The following SLMAP variants were observed in gnomAD, a reference collection of about 807,000 sequenced individuals.
The protein encoded by SLMAP is sarcolemmal membrane-associated protein.
In SLMAP, 44 loss-of-function variants were observed where a neutral mutation model predicts 128.8. The observed-to-expected ratio is 0.34, with a 90% CI of 0.27 to 0.44. The LOEUF is 0.44. SLMAP is among the 20% of genes least tolerant of loss of function. The pLI is 1.00. For synonymous variants in SLMAP, 327 were observed against 348.8 expected, an observed-to-expected ratio of 0.94 and a Z score of 0.70; for missense variants, 787 against 985.3, an observed-to-expected ratio of 0.80 and a Z score of 2.69.
At chr3:57,885,771 C>CTTTTTTTTTTTTTTTTTTTTTTT (rs35541333) in intron 14 of SLMAP, among the ~76,000 whole-genome samples, 1 of 53,574 alleles carries the variant, frequency 1.9e-5, no homozygotes, top group African/African-American at 8.0e-5. Context: ...GTTTTTGGTT[C>CTTTTTTTTTTTTTTTTTTTTTTT]TTTTTTTTTT....
At chr3:57,785,971 TCTA>T (rs1243614921) in intron 2 of SLMAP, among the ~76,000 whole-genome samples, 1 of 152,190 alleles carries the variant, frequency 6.6e-6, no homozygotes, top group Non-Finnish European at 1.5e-5. Flanking sequence ...AAGAACCCCT[TCTA>T]CTACTACTTT....
At chr3:57,776,339 T>C (rs1326751686) in intron 2 of SLMAP, among the ~76,000 whole-genome samples, 9 of 152,188 alleles carry the variant, frequency 5.9e-5, no homozygotes, top group Admixed American at 5.9e-4. Flanking sequence ...ATTCAGACTT[T>C]GTGGTTCTTA....
intron 15 of SLMAP, among the ~76,000 whole-genome samples, chr3:57,891,891 T>C (rs2096081793): frequency 6.6e-6 from 1 of 151,866 alleles, no homozygotes. Flanking sequence ...TTTTTAATCT[T>C]AAAGAACAAA....
chr3:57,882,776 G>A (rs1258852640), intron 14 of SLMAP, among the ~76,000 whole-genome samples: 3 of 152,134 alleles, frequency 2.0e-5, no homozygotes, highest in African/African-American at 4.8e-5. Flanking sequence ...TTTTTTCTAA[G>A]GGTGAGAGAG....
chr3:57,764,519 AAAAG>A (rs991602122), intron 2 of SLMAP, among the ~76,000 whole-genome samples: 10 of 150,662 alleles, frequency 6.6e-5, no homozygotes, highest in African/African-American at 1.9e-4. Flanking sequence ...AAAAGAAAAG[AAAAG>A]AAAGAAAGAG....
At chr3:57,896,635 C>A (rs1278219775) in intron 16 of SLMAP, 44 bp downstream of exon 16, 1 of 1,454,974 alleles carries the variant, frequency 6.9e-7, no homozygotes, top group Non-Finnish European at 9.4e-7. Context: ...CTGTTAATGG[C>A]AGTTTAGTTA....
intron 2 of SLMAP, among the ~76,000 whole-genome samples, chr3:57,809,260 C>T (rs1364440704): frequency 6.6e-6 from 1 of 152,250 alleles, no homozygotes; most frequent in Non-Finnish European, 1.5e-5. Context: ...GAAAGGCCCC[C>T]CTGCCCTCGC....
At chr3:57,895,850 A>G (rs1174647191) in intron 15 of SLMAP, among the ~76,000 whole-genome samples, 1 of 151,736 alleles carries the variant, frequency 6.6e-6, no homozygotes, top group East Asian at 2.0e-4. Flanking sequence ...GGGCTGAGGC[A>G]GGAGGATCCC....
intron 2 of SLMAP, among the ~76,000 whole-genome samples, chr3:57,803,137 A>G (rs1041503146): frequency 2.6e-5 from 4 of 152,234 alleles, no homozygotes. Context: ...AACAGTGAGC[A>G]TCTAAATAAA....
chr3:57,863,844 C>G lies in SLMAP; in HGVS notation c.967-704C>G, dbSNP rs926059531. 5.8e-4 allele frequency among the ~76,000 whole-genome samples: 89 copies of G among 152,160 alleles called. 3 individuals carry two copies. Among genetic ancestry groups the G allele is most frequent in the Non-Finnish European group, 1.9e-4 (13 of 68,020 alleles). On this transcript the variant is annotated intron_variant, in intron 10 of 24. Coordinates refer to ENST00000671191, the MANE Select transcript of SLMAP (RefSeq NM_001377540.1). ...GAGGTCTTTTTGAATAGTGATTGTA[C>G]TGTCATCTCGTTACTAAATAATTTT...
chr3:57,917,010 G>A lies in SLMAP; in HGVS notation c.2243G>A (p.Arg748Gln), dbSNP rs141277984. Residue 748 changes from arginine (R) to glutamine (Q), a missense_variant, in exon 22 of 25, where the codon CGG becomes CAG. Physicochemically the swap from Arg to Gln is conservative, Grantham distance 43 (BLOSUM62 1). Transcript: ENST00000671191. ...QVGSLKEQHL[R>Q]DSADLKTLLS... is the part of the protein sequence containing the mutation. ...GGATCCTTGAAAGAACAGCATCTTC[G>A]GGATTCAGCTGATTTAAAAACTCTT... The A allele has an allele frequency of 3.9e-5, 63 of 1,613,738 alleles. No homozygotes were observed. In the East Asian group the frequency reaches 4.5e-4, roughly 11 times the overall value.
intron 2 of SLMAP, among the ~76,000 whole-genome samples, chr3:57,801,926 T>C (rs1178839627): frequency 6.6e-6 from 1 of 152,172 alleles, no homozygotes; most frequent in East Asian, 1.9e-4. Context: ...TAAAATACTT[T>C]TTGCTACATT....
chr3:57,858,705 G>A (rs1415874941), intron 8 of SLMAP, among the ~76,000 whole-genome samples: 3 of 152,150 alleles, frequency 2.0e-5, no homozygotes, highest in Non-Finnish European at 4.4e-5. Flanking sequence ...CACTTTGGGA[G>A]GATGAGGCGG....
chr3:57,816,243 A>G (rs2091843928), intron 2 of SLMAP, among the ~76,000 whole-genome samples: 1 of 152,052 alleles, frequency 6.6e-6, no homozygotes, highest in Non-Finnish European at 1.5e-5. Flanking sequence ...TCCCAGGTTC[A>G]AGTTATTCTC....
chr3:57,843,359 T>A (rs566281775), intron 4 of SLMAP, among the ~76,000 whole-genome samples: 4 of 139,018 alleles, frequency 2.9e-5, no homozygotes, highest in Admixed American at 1.6e-4. Context: ...TTGCCTAGGC[T>A]GGAGTGTAGT....
intron 2 of SLMAP, among the ~76,000 whole-genome samples, chr3:57,782,232 C>T (rs1286955569): frequency 1.3e-5 from 2 of 152,040 alleles, no homozygotes; most frequent in African/African-American, 4.8e-5. Context: ...AGTTAAATTC[C>T]CCAAATCTTT....
rs752276281 is a variant in SLMAP, at chr3:57,871,650, A to G, written c.1252A>G (p.Lys418Glu). Residue 418 changes from lysine to glutamate, a missense_variant, in exon 14 of 25, where the codon AAG (lysine) becomes GAG (glutamate). This residue lies in a region of SLMAP where 715 missense variants were observed against 843.6 expected (regional missense o/e 0.85). Coordinates refer to ENST00000671191, the MANE Select transcript of SLMAP (RefSeq NM_001377540.1). ...TTCTTTATTAGAGCACTTGCTTTCA[A>G]AGAGTGGCGGGGACTGCACTTTTAT... The part of the protein sequence containing the change: ...GSTEKEHLLS[K>E]SGGDCTFIHQ... 1.8e-5 allele frequency: 29 copies of G among 1,612,964 alleles called. No homozygotes were observed. The highest frequency in any genetic ancestry group is 1.7e-6 in the Non-Finnish European group (2 of 1,179,186).
In SLMAP at chr3:57,757,434, G is replaced by C; in HGVS notation, c.-218G>C. 1.7e-6 allele frequency: 1 copy of C among 583,918 alleles called. No individual in the cohort carries two copies. Among genetic ancestry groups the C allele is most frequent in the Non-Finnish European group, 3.1e-6 (1 of 326,892 alleles). The allele number at this position is 583,918 out of a possible 1,614,324, so 36.2% of individuals were successfully genotyped here. On this transcript the variant is annotated 5_prime_UTR_variant, in exon 2 of 25. Transcript: ENST00000671191. ...CCAGTTGGGGACTTTTTGTGATCAC[G>C]GCGTTGCAGCGTTTTAAAGGAGGTG...
intron 10 of SLMAP, 111 bp downstream of exon 10, chr3:57,862,197 A>G: frequency 1.3e-6 from 1 of 795,618 alleles, no homozygotes. Flanking sequence ...GGGCGCCTGT[A>G]ATCCCAGCTT....
Sources: gnomAD v4.1 joint callset for allele counts (sites outside exome capture counted in the v4.1 genomes callset) on GRCh38, gnomAD v4.1.1 for gene constraint, gnomAD v4.1.1 regional missense constraint, MANE v1.5 for transcripts, NCBI Gene and HGNC (gene_info 2026-07-23, HGNC 2026-07-21) for gene names.